Variants in PSD3 observed in about 807,000 individuals in gnomAD.
PSD3 encodes pleckstrin and Sec7 domain containing 3.
PSD3 carries 49 observed loss-of-function variants against 105.5 expected under a neutral mutation model. The ratio of observed to expected loss-of-function variants is 0.46; its 90% CI spans 0.37 to 0.59. The LOEUF (loss-of-function observed/expected upper bound fraction) is 0.59, where lower values mean the gene tolerates loss of function less well. Among genes scored for constraint, PSD3 ranks in the 20% least tolerant of loss-of-function variants. PSD3 has a pLI of 0.00. For synonymous variants in PSD3, 557 were observed against 457.8 expected, an observed-to-expected ratio of 1.22 and a Z score of -2.77; for missense variants, 1,561 against 1,263.8, an observed-to-expected ratio of 1.24 and a Z score of -3.57.
At chr8:19,004,618 G>T (rs888392135) in intron 1 of PSD3, among the ~76,000 whole-genome samples, 2 of 151,956 alleles carry the variant, frequency 1.3e-5, no homozygotes, top group Non-Finnish European at 1.5e-5. Context: ...TTTAAAAACG[G>T]TCAAAGGATC....
Position 18,702,805 on chromosome 8 carries a change from G to C in PSD3, c.2173-47120C>G, listed in dbSNP as rs563627596. On this transcript the variant is annotated intron_variant, in intron 9 of 15. Transcript: ENST00000327040. Reference sequence around the variant, plus strand: ...ATTTTTGCATTTTTAGTAGAGACAGGGTTTCACCATGTTAGCCGGGATGGT... The same window carrying C: ...ATTTTTGCATTTTTAGTAGAGACAGCGTTTCACCATGTTAGCCGGGATGGT... Among the ~76,000 whole-genome samples, 184 of 151,890 alleles carry C rather than the reference G, an allele frequency of 1.2e-3. 2 individuals are homozygous for C. In the Middle Eastern group the frequency reaches 0.014, roughly 11 times the overall value.
At chr8:18,569,581 A>C (rs1304165443) in intron 14 of PSD3, among the ~76,000 whole-genome samples, 1 of 76,150 alleles carries the variant, frequency 1.3e-5, no homozygotes, top group Non-Finnish European at 2.7e-5. Context: ...AGAACTACCA[A>C]CCACTGCTCA....
intron 2 of PSD3, among the ~76,000 whole-genome samples, chr8:18,929,162 C>T (rs1304039430): frequency 6.6e-6 from 1 of 151,914 alleles, no homozygotes; most frequent in Non-Finnish European, 1.5e-5. Flanking sequence ...GTCACTATGG[C>T]AGACAAGGAT....
intron 9 of PSD3, chr8:18,733,594 G>C (rs1338661914): frequency 6.5e-6 from 1 of 152,788 alleles, no homozygotes; most frequent in Non-Finnish European, 1.5e-5. Flanking sequence ...TAGCCCAGTT[G>C]AGCCTGGACA....
chr8:18,745,037 A>G (rs77266718), intron 9 of PSD3, among the ~76,000 whole-genome samples: 1,878 of 152,312 alleles, frequency 0.012, 70 homozygotes, highest in East Asian at 0.096. Flanking sequence ...AAGTGATGTT[A>G]TCTTCTCCTT....
chr8:18,810,697 G>C (rs1811615412), intron 4 of PSD3, among the ~76,000 whole-genome samples: 1 of 152,150 alleles, frequency 6.6e-6, no homozygotes, highest in African/African-American at 2.4e-5. Flanking sequence ...TAGTCGAGTT[G>C]AATTTTATAC....
At chr8:18,778,368 G>A (rs972185476) in intron 8 of PSD3, among the ~76,000 whole-genome samples, 1 of 152,138 alleles carries the variant, frequency 6.6e-6, no homozygotes, top group Admixed American at 6.6e-5. Flanking sequence ...GTTTCAGGTA[G>A]AGTCTTTAGG....
chr8:18,865,253 TATATATATATATATATATATATATATA>T (rs1816778288), intron 4 of PSD3: 7 of 3,344 alleles, frequency 2.1e-3, no homozygotes, highest in South Asian at 9.4e-3. Context: ...TATATATATA[TATATATATATATATATATATATATATA>T]TATATATTTT....
At chr8:18,822,930 C>T (rs1391209092) in intron 4 of PSD3, among the ~76,000 whole-genome samples, 3 of 152,170 alleles carry the variant, frequency 2.0e-5, no homozygotes, top group Non-Finnish European at 4.4e-5. Flanking sequence ...CACTACCTCA[C>T]TCCCATCCAG....
chr8:18,785,097 G>A (rs1332286369), intron 8 of PSD3, among the ~76,000 whole-genome samples: 1 of 152,018 alleles, frequency 6.6e-6, no homozygotes, highest in East Asian at 1.9e-4. Context: ...AAGGCATCTA[G>A]GAACCCTGTG....
chr8:18,912,288 A>T (rs1233325613), intron 2 of PSD3, among the ~76,000 whole-genome samples: 1 of 152,208 alleles, frequency 6.6e-6, no homozygotes, highest in Non-Finnish European at 1.5e-5. Context: ...ATTAACTCCG[A>T]AACAAATCTG....
At chr8:18,920,029 A>C (rs909197118) in intron 2 of PSD3, among the ~76,000 whole-genome samples, 6 of 147,456 alleles carry the variant, frequency 4.1e-5, no homozygotes, top group Non-Finnish European at 9.0e-5. Context: ...AAAAAAAAAA[A>C]AACAATCACA....
intron 9 of PSD3, among the ~76,000 whole-genome samples, chr8:18,686,321 G>A (rs548541239): frequency 1.5e-3 from 221 of 152,274 alleles, no homozygotes; most frequent in African/African-American, 4.8e-3. Flanking sequence ...TCCTGATGAG[G>A]ACGCTATCAC....
chr8:18,859,859 T>C (rs1413060434), intron 4 of PSD3, among the ~76,000 whole-genome samples: 1 of 152,218 alleles, frequency 6.6e-6, no homozygotes, highest in Non-Finnish European at 1.5e-5. Flanking sequence ...TAAAACTTTC[T>C]CTATATCAGA....
intron 2 of PSD3, among the ~76,000 whole-genome samples, chr8:18,900,288 T>C (rs1354351127): frequency 6.6e-6 from 1 of 152,214 alleles, no homozygotes; most frequent in Non-Finnish European, 1.5e-5. Context: ...CATGATTTTC[T>C]TATAGGTATC....
chr8:18,624,751 C>G (rs1806359462), intron 11 of PSD3, among the ~76,000 whole-genome samples: 1 of 151,302 alleles, frequency 6.6e-6, no homozygotes. Flanking sequence ...ACCATGGATC[C>G]TAATCCTTTA....
At chr8:18,641,126 C>T (rs559730386) in intron 10 of PSD3, among the ~76,000 whole-genome samples, 4 of 152,212 alleles carry the variant, frequency 2.6e-5, no homozygotes, top group Admixed American at 2.0e-4. Context: ...CTAGCCAGAA[C>T]ATTACAGAAG....
At chr8:18,595,249 C>G (rs1285311064) in intron 12 of PSD3, among the ~76,000 whole-genome samples, 1 of 119,878 alleles carries the variant, frequency 8.3e-6, no homozygotes, top group African/African-American at 3.3e-5. Context: ...AAAAGATACC[C>G]AAAAGAAAAT....
At chr8:18,981,776 A>C (rs185997332) in intron 1 of PSD3, among the ~76,000 whole-genome samples, 15 of 150,656 alleles carry the variant, frequency 1.0e-4, no homozygotes, top group Admixed American at 9.3e-4. Flanking sequence ...TTGATTAAAA[A>C]ATACTTTATT....
Sources: allele counts gnomAD v4.1 joint callset (sites outside exome capture counted in the v4.1 genomes callset), GRCh38; gene constraint gnomAD v4.1.1; transcripts MANE v1.5; gene names NCBI Gene and HGNC (gene_info 2026-07-23, HGNC 2026-07-21).